Variants in POGZ observed in about 807,000 individuals in gnomAD.
POGZ encodes pogo transposable element with ZNF domain.
A neutral mutation model predicts 134.6 loss-of-function variants in POGZ; 17 were observed. The ratio of observed to expected loss-of-function variants is 0.13; its 90% CI spans 0.09 to 0.19. The LOEUF (loss-of-function observed/expected upper bound fraction) is 0.19, where lower values mean the gene tolerates loss of function less well. POGZ is among the 10% of genes least tolerant of loss of function. The pLI, the probability that POGZ is intolerant of heterozygous loss-of-function variation, is 1.00. For missense variants in POGZ, 1,306 were observed against 1,769.7 expected, an observed-to-expected ratio of 0.74 and a Z score of 4.70; for synonymous variants, 693 against 657.1, an observed-to-expected ratio of 1.05 and a Z score of -0.84.
At position 151,459,232 on chromosome 1, in the gene POGZ, G is replaced by A. The variant is rs1310331659; in HGVS notation, c.-82C>T. 1 of 151,984 alleles carries A rather than the reference G, an allele frequency of 6.6e-6. No individual in the cohort carries two copies. Among genetic ancestry groups the A allele is most frequent in the Non-Finnish European group, 1.5e-5 (1 of 67,950 alleles). The allele number at this position is 151,984 out of a possible 1,614,324, so 9.4% of individuals were successfully genotyped here. A position where few individuals can be genotyped will look rare whatever the true frequency, so the allele number is the denominator to read the frequency against. On this transcript the variant is annotated 5_prime_UTR_variant, in exon 1 of 19. Coordinates refer to ENST00000271715, the MANE Select transcript of POGZ (RefSeq NM_015100.4). ...AGGGACCTTACACCCGGCGCCAGAA[G>A]GGGGTGGGAGCAGGGGGAGGGGACG...
intron 10 of POGZ, among the ~76,000 whole-genome samples, chr1:151,420,784 G>A (rs114041170): frequency 0.016 from 2,479 of 152,002 alleles, 59 homozygotes; most frequent in African/African-American, 0.057. Context: ...AAAGAATGAC[G>A]AATATCTCAT....
At chr1:151,429,974 G>A (rs997464906) in intron 4 of POGZ, among the ~76,000 whole-genome samples, 7 of 146,866 alleles carry the variant, frequency 4.8e-5, no homozygotes, top group African/African-American at 1.8e-4. Flanking sequence ...GAGAGCATCG[G>A]CTTAAAAAAA....
At chr1:151,443,505 G>A (rs934928289) in intron 1 of POGZ, among the ~76,000 whole-genome samples, 6 of 152,016 alleles carry the variant, frequency 3.9e-5, no homozygotes, top group African/African-American at 9.7e-5. Flanking sequence ...ACCTGAGATC[G>A]GGAGTTTGAG....
intron 1 of POGZ, among the ~76,000 whole-genome samples, chr1:151,458,223 G>T (rs1016392954): frequency 2.0e-5 from 3 of 151,990 alleles, no homozygotes; most frequent in African/African-American, 7.3e-5. Context: ...GCAGAAAGAC[G>T]GAAAACAAAT....
At chr1:151,406,728 C>A in intron 17 of POGZ, 97 bp from the exon 18 acceptor site, 1 of 1,131,702 alleles carries the variant, frequency 8.8e-7, no homozygotes, top group Admixed American at 2.0e-5. Context: ...TACAAATACG[C>A]TGTTCGCAGT....
chr1:151,403,912 A>C lies in POGZ; in HGVS notation c.*890T>G. 1.0e-6 allele frequency: 1 copy of C among 985,448 alleles called. No individual in the cohort carries two copies. The highest frequency in any genetic ancestry group is 1.2e-6 in the Non-Finnish European group (1 of 829,912). The allele number at this position is 985,448 out of a possible 1,614,324, so 61.0% of individuals were successfully genotyped here. On this transcript the variant is annotated 3_prime_UTR_variant, in exon 19 of 19. Coordinates refer to ENST00000271715, the MANE Select transcript of POGZ (RefSeq NM_015100.4). ...CAAACTGGGAATGGCTTCCACCCTA[A>C]AACTGTTTGATCGCTTCAGTATCTC...
At chr1:151,415,354 A>G (rs1001994068) in intron 10 of POGZ, among the ~76,000 whole-genome samples, 18 of 152,156 alleles carry the variant, frequency 1.2e-4, no homozygotes, top group African/African-American at 1.4e-4. Context: ...CAATGCCAGG[A>G]AGAAAAATGT....
chr1:151,411,590 A>AG, intron 12 of POGZ, 35 bp downstream of exon 12: 1 of 1,493,212 alleles, frequency 6.7e-7, no homozygotes, highest in African/African-American at 1.4e-5. Context: ...AAAAAAAAAA[A>AG]CAAGAGAATA....
At chr1:151,456,997 G>A (rs1662851328) in intron 1 of POGZ, among the ~76,000 whole-genome samples, 1 of 152,188 alleles carries the variant, frequency 6.6e-6, no homozygotes, top group South Asian at 2.1e-4. Context: ...CCTTGCTTTT[G>A]AACCATCAGT....
rs201467342 is a variant in POGZ, at chr1:151,423,573, A to C, written c.1524-22T>G. On this transcript the variant is annotated intron_variant, in intron 9 of 18. Coordinates refer to ENST00000271715, the MANE Select transcript of POGZ (RefSeq NM_015100.4). ...GAATCTGTAATAAAGCACAAAGAGAAAGTACAGAAAACATAAAAAATTGGT... is the reference window on the plus strand; with the variant it reads ...GAATCTGTAATAAAGCACAAAGAGACAGTACAGAAAACATAAAAAATTGGT... 2.3e-5 allele frequency: 36 copies of C among 1,570,118 alleles called. No homozygotes were observed. In the African/African-American group the frequency reaches 4.4e-4, roughly 19 times the overall value.
At position 151,419,024 on chromosome 1, in the gene POGZ, C is replaced by CAAA. The variant is rs71090164; in HGVS notation, c.1678+4370_1678+4372dup. On this transcript the variant is annotated intron_variant, in intron 10 of 18. Coordinates refer to ENST00000271715, the MANE Select transcript of POGZ (RefSeq NM_015100.4). Reference sequence around the variant, plus strand: ...TGGGTGAAAGAATGAAGCTCTGTCTCAAAAAAAAAAAAAAAAAAAAAAGAA... The same window carrying CAAA: ...TGGGTGAAAGAATGAAGCTCTGTCTCAAAAAAAAAAAAAAAAAAAAAAAAAGAA... Among the ~76,000 whole-genome samples, 62 of 52,016 alleles carry CAAA rather than the reference C, an allele frequency of 1.2e-3. 1 individual carries two copies. The highest frequency in any genetic ancestry group is 2.7e-3 in the Admixed American group (12 of 4,528). The allele number at this position is 52,016 out of a possible 152,430, so 34.1% of individuals were successfully genotyped here.
intron 10 of POGZ, among the ~76,000 whole-genome samples, chr1:151,413,472 T>C (rs1655047345): frequency 1.3e-5 from 2 of 151,848 alleles, no homozygotes; most frequent in Admixed American, 1.3e-4. Flanking sequence ...AATTATACAG[T>C]ATGGCAAAAA....
At position 151,404,740 on chromosome 1, in the gene POGZ, G is replaced by T; in HGVS notation, c.*62C>A. On this transcript the variant is annotated 3_prime_UTR_variant, in exon 19 of 19. Transcript: ENST00000271715. ...ACCTGGTATGCCCCCTTTTCCCTAA[G>T]CCCCTTTACCCTCCCTCACATGTTC... 1.3e-6 allele frequency: 2 copies of T among 1,503,372 alleles called. No homozygotes were observed. Among genetic ancestry groups the T allele is most frequent in the Non-Finnish European group, 1.8e-6 (2 of 1,128,682 alleles). The allele number at this position is 1,503,372 out of a possible 1,614,324, so 93.1% of individuals were successfully genotyped here.
At position 151,405,626 on chromosome 1, in the gene POGZ, G is replaced by C; in HGVS notation, c.3409C>G (p.Leu1137Val). ...EISLFLDTEV[L>V]SSDDRKENAL... is the part of the protein sequence containing the mutation. ...TTCTCCTTTCGATCATCACTGCTCAGCACCTCTGTATCCAGGAACAAAGAG... is the reference window on the plus strand; with the variant it reads ...TTCTCCTTTCGATCATCACTGCTCACCACCTCTGTATCCAGGAACAAAGAG... Residue 1137 changes from leucine to valine, a missense_variant, in exon 19 of 19, where the codon CTG (leucine) becomes GTG (valine). Physicochemically the swap from Leu to Val is conservative, Grantham distance 32. Coordinates refer to ENST00000271715, the MANE Select transcript of POGZ (RefSeq NM_015100.4). This position sits in a 1 kb window ranked among gnomAD's most constrained non-coding sequence, Gnocchi z 4.9. The C allele has an allele frequency of 6.2e-7, 1 of 1,614,184 alleles. No homozygotes were observed. Among genetic ancestry groups the C allele is most frequent in the Non-Finnish European group, 8.5e-7 (1 of 1,180,026 alleles).
chr1:151,432,408 G>A (rs1316194532), intron 3 of POGZ, among the ~76,000 whole-genome samples: 1 of 152,166 alleles, frequency 6.6e-6, no homozygotes, highest in Non-Finnish European at 1.5e-5. Flanking sequence ...GAAACTGAGA[G>A]CTCATCAGTA....
At chr1:151,435,654 G>C (rs1427212387) in intron 3 of POGZ, among the ~76,000 whole-genome samples, 1 of 151,730 alleles carries the variant, frequency 6.6e-6, no homozygotes, top group Non-Finnish European at 1.5e-5. Flanking sequence ...CACCACACTC[G>C]CCTAATTTTT....
intron 1 of POGZ, chr1:151,455,164 C>T (rs1662623509): frequency 6.6e-6 from 1 of 151,066 alleles, no homozygotes; most frequent in South Asian, 2.1e-4. Context: ...AACAAGAATA[C>T]CAAAGAATCT....
Position 151,424,209 on chromosome 1 carries a change from T to C in POGZ, c.1263A>G (p.Ala421=). 1 of 1,614,064 alleles carries C rather than the reference T, an allele frequency of 6.2e-7. No individual in the cohort carries two copies. The highest frequency in any genetic ancestry group is 8.5e-7 in the Non-Finnish European group (1 of 1,179,938). ...LDSEPSVPSA[A]KPPSPEKTAP... ...CTGTTTTCTCAGGGGATGGGGGCTTTGCTGCTGATGGGACACTGGGTTCTG... is the reference window on the plus strand; with the variant it reads ...CTGTTTTCTCAGGGGATGGGGGCTTCGCTGCTGATGGGACACTGGGTTCTG... The change falls in exon 9 of 19, where the codon GCA becomes GCG. Residue 421 remains alanine, a synonymous_variant. Coordinates refer to ENST00000271715, the MANE Select transcript of POGZ (RefSeq NM_015100.4).
At chr1:151,429,124 T>TAA (rs79814829) in intron 5 of POGZ, among the ~76,000 whole-genome samples, 2 of 143,554 alleles carry the variant, frequency 1.4e-5, no homozygotes, top group African/African-American at 5.2e-5. Context: ...CTCAGAATCT[T>TAA]AAAAAAAAAA....
Sources: allele counts gnomAD v4.1 joint callset (sites outside exome capture counted in the v4.1 genomes callset), GRCh38; gene constraint gnomAD v4.1.1; non-coding constraint Gnocchi (gnomAD v3.1); transcripts MANE v1.5; gene names NCBI Gene and HGNC (gene_info 2026-07-23, HGNC 2026-07-21).